Variants in TPST2 observed in about 807,000 individuals in gnomAD.
TPST2 encodes protein-tyrosine sulfotransferase 2.
In TPST2, 16 loss-of-function variants were observed where a neutral mutation model predicts 27.8. That is an observed-to-expected ratio of 0.58 (90% CI 0.39 to 0.88). The LOEUF is 0.88. Ranked by LOEUF, TPST2 falls within the 40% of genes least tolerant of loss-of-function variation. The probability of loss-of-function intolerance (pLI) is 0.00; values close to 1 mark genes in which losing one functional copy is unlikely to be tolerated. For missense variants in TPST2, 464 were observed against 543.1 expected (o/e 0.85, Z 1.45); for synonymous variants, 229 against 231.7 (o/e 0.99, Z 0.10).
Position 26,571,038 on chromosome 22 carries a change from T to C in TPST2, c.-161+19015A>G, listed in dbSNP as rs2283837. Among the ~76,000 whole-genome samples the C allele has an allele frequency of 6.5e-3, 991 of 152,310 alleles. 19 individuals are homozygous for C. In the East Asian group the frequency reaches 0.067, roughly 10 times the overall value. Reference sequence around the variant, plus strand: ...TTTCAGCAAGCAGCCACAGTGACCTTAGGAAAACGGAAGTCAGGCTATGGC... The same window carrying C: ...TTTCAGCAAGCAGCCACAGTGACCTCAGGAAAACGGAAGTCAGGCTATGGC... On this transcript the variant is annotated intron_variant, in intron 1 of 6. Transcript: ENST00000338754.
In TPST2 at chr22:26,541,988, G is replaced by A. The variant is rs1925874249; in HGVS notation, c.-88-270C>T. ...CCTCCTACCTGTCTCCCAAAGTGAT[G>A]GGATTACAGGCATGAGCCACCCGGT... On this transcript the variant is annotated intron_variant, in intron 2 of 6. Coordinates refer to ENST00000338754, the MANE Select transcript of TPST2 (RefSeq NM_003595.5). This position sits in a 1 kb window ranked among gnomAD's most constrained non-coding sequence, Gnocchi z 5.9. Among the ~76,000 whole-genome samples, 1 of 152,050 alleles carries A rather than the reference G, an allele frequency of 6.6e-6. No individual in the cohort carries two copies. The highest frequency in any genetic ancestry group is 2.4e-5 in the African/African-American group (1 of 41,392).
chr22:26,540,394 G>C (rs886186465), intron 3 of TPST2, among the ~76,000 whole-genome samples: 15 of 152,110 alleles, frequency 9.9e-5, no homozygotes, highest in Non-Finnish European at 1.6e-4. Context: ...GAGGCCAGGA[G>C]TTTGAGACCA....
intron 1 of TPST2, among the ~76,000 whole-genome samples, chr22:26,572,184 G>A (rs1035648741): frequency 6.6e-6 from 1 of 152,158 alleles, no homozygotes; most frequent in Non-Finnish European, 1.5e-5. Context: ...GCCAATCACA[G>A]CATTTCATTC....
chr22:26,536,016 A>G (rs1470617028), intron 4 of TPST2: 12 of 570,098 alleles, frequency 2.1e-5, no homozygotes, highest in East Asian at 3.6e-5. Flanking sequence ...AAATAAAATT[A>G]GAGAAATAAG....
At position 26,536,439 on chromosome 22, in the gene TPST2, G is replaced by T; in HGVS notation, c.890C>A (p.Ala297Glu). 6.4e-7 allele frequency: 1 copy of T among 1,559,534 alleles called. No individual in the cohort carries two copies. The highest frequency in any genetic ancestry group is 8.7e-7 in the Non-Finnish European group (1 of 1,151,792). The change falls in exon 4 of 7, where the codon GCG (alanine) becomes GAG (glutamate). Residue 297 changes from alanine to glutamate, a missense_variant. Transcript: ENST00000338754. ...GATGTGGCCAGTCCACTTGGAGAGC[G>T]CTTCCAGGTTAACAGGCTTGATGAC... ...DQVIKPVNLE[A>E]LSKWTGHIPG...
At chr22:26,560,669 G>A in intron 1 of TPST2, 1 of 1,226,624 alleles carries the variant, frequency 8.2e-7, no homozygotes, top group Non-Finnish European at 1.2e-6. Context: ...GCTCAGAGAG[G>A]TGGAAGACCA....
rs1255118148 is a variant in TPST2 at position 26,523,482 on chromosome 22, A to C, written c.*2793T>G. ...AAATCTTTTCAGATCAAATCAGGGG[A>C]GATGAAATGAGAGTGGATTCTGAGC... On this transcript the variant is annotated 3_prime_UTR_variant, in exon 7 of 7. Transcript: ENST00000338754. The C allele has an allele frequency of 6.6e-6, 1 of 152,200 alleles. No homozygotes were observed. Among genetic ancestry groups the C allele is most frequent in the Admixed American group, 6.5e-5 (1 of 15,274 alleles). 9.4% of individuals were successfully genotyped at this position (152,200 alleles called of 1,614,324 possible). A position where few individuals can be genotyped will look rare whatever the true frequency, so the allele number is the denominator to read the frequency against.
chr22:26,540,764 T>G (rs773491134), intron 3 of TPST2, 25 bp downstream of exon 3: 5 of 1,541,918 alleles, frequency 3.2e-6, no homozygotes, highest in Non-Finnish European at 4.4e-6. Flanking sequence ...AGAGTCTGAG[T>G]GGAAGCATCA....
In TPST2 at chr22:26,523,028, GGTT is replaced by G. The variant is rs1381007756; in HGVS notation, c.*3244_*3246del. The G allele has an allele frequency of 4.6e-5, 7 of 151,878 alleles. No individual in the cohort carries two copies. Among genetic ancestry groups the G allele is most frequent in the African/African-American group, 1.7e-4 (7 of 41,316 alleles). 9.4% of individuals were successfully genotyped at this position (151,878 alleles called of 1,614,324 possible). A position where few individuals can be genotyped will look rare whatever the true frequency, so the allele number is the denominator to read the frequency against. On this transcript the variant is annotated 3_prime_UTR_variant, in exon 7 of 7. Coordinates refer to ENST00000338754, the MANE Select transcript of TPST2 (RefSeq NM_003595.5). ...GTGAGCTGTGTTTGCAGGAGTTAGA[GGTT>G]GCAGTGAGCTGTGTTTGCAGGAGTT...
chr22:26,551,136 T>C (rs1459008052), intron 1 of TPST2, among the ~76,000 whole-genome samples: 1 of 137,304 alleles, frequency 7.3e-6, no homozygotes, highest in Non-Finnish European at 1.6e-5. Flanking sequence ...TTTACAAAAA[T>C]TAGCTGGGCT....
chr22:26,582,673 T>C (rs1275176091), intron 1 of TPST2, among the ~76,000 whole-genome samples: 3 of 152,158 alleles, frequency 2.0e-5, no homozygotes, highest in Non-Finnish European at 2.9e-5. Context: ...AGGGTTCTCA[T>C]GTGTCCTTAT....
intron 1 of TPST2, among the ~76,000 whole-genome samples, chr22:26,589,262 T>C (rs549685932): frequency 6.6e-6 from 1 of 152,154 alleles, no homozygotes; most frequent in African/African-American, 2.4e-5. Context: ...AGGTGGATGG[T>C]TCCTTCCCTA....
chr22:26,526,516 C>T (rs1924844473), intron 6 of TPST2, among the ~76,000 whole-genome samples: 1 of 152,182 alleles, frequency 6.6e-6, no homozygotes, highest in African/African-American at 2.4e-5. Context: ...GAGCAAATGA[C>T]AGTGATTATG....
At chr22:26,528,762 C>A (rs981475371) in intron 5 of TPST2, among the ~76,000 whole-genome samples, 4 of 152,112 alleles carry the variant, frequency 2.6e-5, no homozygotes, top group African/African-American at 9.7e-5. Context: ...GAGGGTGGAT[C>A]ACCTGAGGTC....
Position 26,523,696 on chromosome 22 carries a change from T to G in TPST2, c.*2579A>C, listed in dbSNP as rs756223979. 1.3e-5 allele frequency: 2 copies of G among 152,298 alleles called. No homozygotes were observed. The highest frequency in any genetic ancestry group is 2.4e-5 in the African/African-American group (1 of 41,464). 9.4% of individuals were successfully genotyped at this position (152,298 alleles called of 1,614,324 possible). On this transcript the variant is annotated 3_prime_UTR_variant, in exon 7 of 7. Transcript: ENST00000338754. Reference sequence around the variant, plus strand: ...GCCTCCTGGGTTCAAGCAATTCTCCTGCCTCAGCCTCCCAAGTAGCTGCAA... The same window carrying G: ...GCCTCCTGGGTTCAAGCAATTCTCCGGCCTCAGCCTCCCAAGTAGCTGCAA...
intron 1 of TPST2, among the ~76,000 whole-genome samples, chr22:26,580,689 T>C (rs2147241106): frequency 6.6e-6 from 1 of 152,066 alleles, no homozygotes; most frequent in Non-Finnish European, 1.5e-5. Context: ...GGAAGCAATG[T>C]TTTTTTATGC....
rs1924694069 is a variant in TPST2, at chr22:26,523,998, T to C, written c.*2277A>G. ...CCAGACATAAATTTTTTTTTTGGGG[T>C]GTGTGGTGATGGGATACATAGCTGT... On this transcript the variant is annotated 3_prime_UTR_variant, in exon 7 of 7. Transcript: ENST00000338754. 1 of 152,002 alleles carries C rather than the reference T, an allele frequency of 6.6e-6. No individual in the cohort carries two copies. The highest frequency in any genetic ancestry group is 2.4e-5 in the African/African-American group (1 of 41,390). 9.4% of individuals were successfully genotyped at this position (152,002 alleles called of 1,614,324 possible).
chr22:26,567,753 A>G (rs1022240140), intron 1 of TPST2, among the ~76,000 whole-genome samples: 5 of 152,256 alleles, frequency 3.3e-5, no homozygotes, highest in Non-Finnish European at 5.9e-5. Flanking sequence ...AAAAATGGGA[A>G]CGTCTGAAGA....
intron 2 of TPST2, among the ~76,000 whole-genome samples, chr22:26,542,240 T>TAAAA (rs537567197): frequency 8.6e-6 from 1 of 115,970 alleles, no homozygotes; most frequent in Non-Finnish European, 1.7e-5. Context: ...AGACTCCGTC[T>TAAAA]AAAAAAAAAA....
Sources: gnomAD v4.1 joint callset for allele counts (sites outside exome capture counted in the v4.1 genomes callset) on GRCh38, gnomAD v4.1.1 for gene constraint, Gnocchi (gnomAD v3.1) non-coding constraint, MANE v1.5 for transcripts, NCBI Gene and HGNC (gene_info 2026-07-23, HGNC 2026-07-21) for gene names.